The following PCDH15 variants were observed in gnomAD, a reference collection of about 807,000 sequenced individuals.
The protein encoded by PCDH15 is protocadherin related 15.
PCDH15 carries 129 observed loss-of-function variants against 178.5 expected under a neutral mutation model. The ratio of observed to expected loss-of-function variants is 0.72; its 90% CI spans 0.63 to 0.84. PCDH15 has a LOEUF of 0.84. PCDH15 is among the 40% of genes least tolerant of loss of function. The pLI is 0.00. For synonymous variants in PCDH15, 800 were observed against 732.0 expected, an observed-to-expected ratio of 1.09 and a Z score of -1.50; for missense variants, 2,230 against 2,099.9, an observed-to-expected ratio of 1.06 and a Z score of -1.21.
chr10:55,612,078 T>A (rs1843378741), intron 2 of PCDH15, among the ~76,000 whole-genome samples: 1 of 152,096 alleles, frequency 6.6e-6, no homozygotes, highest in South Asian at 2.1e-4. Flanking sequence ...TTCAGCTAGA[T>A]AGGAGAAATA....
intron 23 of PCDH15, among the ~76,000 whole-genome samples, chr10:53,949,934 C>T (rs546271083): frequency 1.4e-4 from 22 of 152,010 alleles, no homozygotes; most frequent in African/African-American, 4.6e-4. Context: ...AATGCTAATC[C>T]TTTGTTAAAT....
intron 2 of PCDH15, among the ~76,000 whole-genome samples, chr10:55,363,004 A>G (rs555000197): frequency 1.4e-4 from 21 of 152,280 alleles, no homozygotes; most frequent in African/African-American, 5.1e-4. Context: ...AAGTTTACAA[A>G]TTTGGGTTGG....
chr10:54,423,740 TGA>T (rs770026687), intron 3 of PCDH15, among the ~76,000 whole-genome samples: 4 of 152,014 alleles, frequency 2.6e-5, no homozygotes, highest in East Asian at 3.9e-4. Context: ...GAAAAAAGTT[TGA>T]GAGACAGAAT....
At chr10:55,335,781 G>T (rs1179472968) in intron 2 of PCDH15, among the ~76,000 whole-genome samples, 1 of 152,056 alleles carries the variant, frequency 6.6e-6, no homozygotes, top group Non-Finnish European at 1.5e-5. Context: ...CTGCAAAGAT[G>T]ACCTTTCTCT....
intron 2 of PCDH15, among the ~76,000 whole-genome samples, chr10:54,604,191 C>T (rs774098923): frequency 6.6e-6 from 1 of 151,896 alleles, no homozygotes; most frequent in African/African-American, 2.4e-5. Context: ...GTTTTGTTAT[C>T]TAATAGGTGA....
intron 4 of PCDH15, among the ~76,000 whole-genome samples, chr10:54,371,667 A>T (rs2134787687): frequency 6.6e-6 from 1 of 151,942 alleles, no homozygotes; most frequent in East Asian, 1.9e-4. Flanking sequence ...TATCTCATGT[A>T]ACTCATATGC....
At chr10:53,874,902 AT>A (rs1489473499) in intron 26 of PCDH15, among the ~76,000 whole-genome samples, 2 of 151,832 alleles carry the variant, frequency 1.3e-5, no homozygotes, top group African/African-American at 2.4e-5. Flanking sequence ...TCTTTTAGAA[AT>A]AAAAAAAAAT....
At chr10:54,486,821 TTTC>T (rs1425228912) in intron 3 of PCDH15, among the ~76,000 whole-genome samples, 1 of 151,996 alleles carries the variant, frequency 6.6e-6, no homozygotes, top group African/African-American at 2.4e-5. Flanking sequence ...GGCTTGCCCT[TTTC>T]TTCTTCTCTC....
chr10:55,612,076 G>C (rs1241207384), intron 2 of PCDH15, among the ~76,000 whole-genome samples: 1 of 152,032 alleles, frequency 6.6e-6, no homozygotes, highest in Non-Finnish European at 1.5e-5. Context: ...GGTTCAGCTA[G>C]ATAGGAGAAA....
chr10:55,428,369 T>C (rs976489365), intron 2 of PCDH15, among the ~76,000 whole-genome samples: 9 of 152,078 alleles, frequency 5.9e-5, no homozygotes, highest in African/African-American at 2.2e-4. Flanking sequence ...AGGACACTTA[T>C]TGTACTAGAT....
intron 3 of PCDH15, among the ~76,000 whole-genome samples, chr10:54,867,097 C>T (rs188493394): frequency 2.9e-4 from 44 of 152,222 alleles, no homozygotes; most frequent in Non-Finnish European, 5.0e-4. Flanking sequence ...CGGCTACCCA[C>T]CAATATTTCC....
intron 2 of PCDH15, among the ~76,000 whole-genome samples, chr10:55,556,945 G>A (rs139102534): frequency 9.7e-4 from 148 of 152,228 alleles, no homozygotes; most frequent in African/African-American, 3.4e-3. Context: ...TTTATTGAAT[G>A]TGTTTTCACA....
chr10:55,078,246 T>G (rs1226425999), intron 2 of PCDH15, among the ~76,000 whole-genome samples: 1 of 152,190 alleles, frequency 6.6e-6, no homozygotes, highest in Non-Finnish European at 1.5e-5. Flanking sequence ...GTTTTGGAAT[T>G]ATCTCTTTGT....
At chr10:54,184,150 C>T (rs1329543055) in intron 12 of PCDH15, among the ~76,000 whole-genome samples, 1 of 152,072 alleles carries the variant, frequency 6.6e-6, no homozygotes, top group African/African-American at 2.4e-5. Flanking sequence ...TGATAATGTA[C>T]ATTATCAAGA....
At chr10:55,447,774 C>T (rs376838477) in intron 2 of PCDH15, among the ~76,000 whole-genome samples, 1 of 151,930 alleles carries the variant, frequency 6.6e-6, no homozygotes, top group African/African-American at 2.4e-5. Flanking sequence ...TATAAATTTA[C>T]AACTTGTTAC....
intron 2 of PCDH15, chr10:54,606,930 C>T (rs2092767317): frequency 6.6e-6 from 1 of 152,016 alleles, no homozygotes; most frequent in Middle Eastern, 3.2e-3. Context: ...CACATTCTGA[C>T]TATTCTAAAG....
chr10:54,983,982 A>C (rs1839303756), intron 2 of PCDH15, among the ~76,000 whole-genome samples: 1 of 152,194 alleles, frequency 6.6e-6, no homozygotes, highest in Non-Finnish European at 1.5e-5. Context: ...TGGAATTCCA[A>C]GGATTGAGGA....
intron 26 of PCDH15, among the ~76,000 whole-genome samples, chr10:53,878,305 T>G: frequency 1.3e-5 from 1 of 78,342 alleles, no homozygotes; most frequent in East Asian, 4.3e-4. Flanking sequence ...ATATATAGAC[T>G]ATATATATTC....
At position 54,214,056 on chromosome 10, in the gene PCDH15, A is replaced by G; in HGVS notation, c.986-8T>C. ...GGTAATCCTCAGGAGTCCCTGGAAG[A>G]CATTGAGATTTCAGTACATAATTGA... is the stretch of plus-strand genomic sequence containing the variant. On this transcript the variant is annotated splice_region_variant and splice_polypyrimidine_tract_variant and intron_variant, in intron 9 of 37. Transcript: ENST00000644397. 1 of 1,473,034 alleles carries G rather than the reference A, an allele frequency of 6.8e-7. No individual in the cohort carries two copies. Among genetic ancestry groups the G allele is most frequent in the Non-Finnish European group, 9.5e-7 (1 of 1,052,078 alleles). 91.2% of individuals were successfully genotyped at this position (1,473,034 alleles called of 1,614,324 possible).
Sources: allele counts gnomAD v4.1 joint callset (sites outside exome capture counted in the v4.1 genomes callset), GRCh38; gene constraint gnomAD v4.1.1; transcripts MANE v1.5; gene names NCBI Gene and HGNC (gene_info 2026-07-23, HGNC 2026-07-21).